Variants in CPED1 observed in about 807,000 individuals in gnomAD.
The protein encoded by CPED1 is cadherin like and PC-esterase domain containing 1.
A neutral mutation model predicts 128.2 loss-of-function variants in CPED1; 114 were observed. The ratio of observed to expected loss-of-function variants is 0.89; its 90% CI spans 0.76 to 1.04. The LOEUF (loss-of-function observed/expected upper bound fraction) is 1.04, where lower values mean the gene tolerates loss of function less well. CPED1 is among the 50% of genes least tolerant of loss of function. The pLI is 0.00. For synonymous variants in CPED1, 462 were observed against 426.7 expected (o/e 1.08, Z -1.02); for missense variants, 1,211 against 1,207.1 (o/e 1.00, Z -0.05).
At chr7:121,085,092 TCTG>T (rs1271004596) in intron 5 of CPED1, among the ~76,000 whole-genome samples, 1 of 152,224 alleles carries the variant, frequency 6.6e-6, no homozygotes, top group Non-Finnish European at 1.5e-5. Context: ...TTACTCCACT[TCTG>T]CTGGAGTCCC....
intron 16 of CPED1, among the ~76,000 whole-genome samples, chr7:121,197,708 T>C (rs544768857): frequency 6.6e-6 from 1 of 152,210 alleles, no homozygotes; most frequent in Admixed American, 6.5e-5. Context: ...AGAAAAATGC[T>C]GAGGGCAGAG....
intron 2 of CPED1, among the ~76,000 whole-genome samples, chr7:120,997,533 C>A (rs951515415): frequency 2.0e-5 from 3 of 152,150 alleles, no homozygotes; most frequent in Non-Finnish European, 4.4e-5. Flanking sequence ...CAGAATGTGA[C>A]CTTACTTGGA....
intron 16 of CPED1, among the ~76,000 whole-genome samples, chr7:121,154,476 C>A (rs1796235062): frequency 1.3e-5 from 2 of 151,840 alleles, no homozygotes; most frequent in African/African-American, 4.8e-5. Context: ...ATTCTATATA[C>A]ATTTTGATAA....
chr7:121,202,955 T>A (rs189742308), intron 16 of CPED1, among the ~76,000 whole-genome samples: 2 of 152,218 alleles, frequency 1.3e-5, no homozygotes, highest in Admixed American at 6.5e-5. Context: ...CGAGTGCCTT[T>A]TTTTCTAGAA....
rs200483154 is a variant in CPED1 at position 121,099,966 on chromosome 7, C to A, written c.790C>A (p.Arg264=). The A allele has an allele frequency of 3.1e-6, 5 of 1,612,690 alleles. No homozygotes were observed. The highest frequency in any genetic ancestry group is 4.2e-6 in the Non-Finnish European group (5 of 1,179,686). Residue 264 remains arginine, a synonymous_variant, in exon 7 of 23, where the codon CGA becomes AGA. Transcript: ENST00000310396. The part of the protein sequence containing the change: ...TVLAPHETIF[R]AEDLSVILKA... Reference sequence around the variant, plus strand: ...CCTTGCTCCACATGAAACAATCTTTCGAGCCGAAGATCTATCTGTGATTCT... The same window carrying A: ...CCTTGCTCCACATGAAACAATCTTTAGAGCCGAAGATCTATCTGTGATTCT...
chr7:121,078,498 G>GAAAAAAAAAAAAAAAAA (rs529856618), intron 5 of CPED1, among the ~76,000 whole-genome samples: 9 of 101,928 alleles, frequency 8.8e-5, no homozygotes, highest in Non-Finnish European at 1.5e-4. Flanking sequence ...AAGAAAGAAA[G>GAAAAAAAAAAAAAAAAA]AAAAAAAAAA....
At chr7:121,281,421 C>T (rs1258796397) in intron 22 of CPED1, among the ~76,000 whole-genome samples, 1 of 152,104 alleles carries the variant, frequency 6.6e-6, no homozygotes, top group Admixed American at 6.5e-5. Context: ...TCTTATAATT[C>T]CCATAGGCCA....
intron 2 of CPED1, among the ~76,000 whole-genome samples, chr7:120,992,069 TA>T (rs1244061057): frequency 6.6e-6 from 1 of 152,122 alleles, no homozygotes; most frequent in Non-Finnish European, 1.5e-5. Flanking sequence ...TACTCCAATT[TA>T]AATTATTAGA....
chr7:121,190,391 C>CA (rs368606501), intron 16 of CPED1, among the ~76,000 whole-genome samples: 5,300 of 97,276 alleles, frequency 0.054, 417 homozygotes, highest in African/African-American at 0.18. Flanking sequence ...GACTCTGTAT[C>CA]AAAAAAAAAA....
chr7:121,214,653 G>T (rs1450360620), intron 16 of CPED1, among the ~76,000 whole-genome samples: 1 of 152,002 alleles, frequency 6.6e-6, no homozygotes, highest in African/African-American at 2.4e-5. Flanking sequence ...ACTACACATA[G>T]AAAGGACTGT....
intron 16 of CPED1, among the ~76,000 whole-genome samples, chr7:121,170,346 G>A (rs923957193): frequency 1.3e-5 from 2 of 152,080 alleles, no homozygotes; most frequent in Admixed American, 6.6e-5. Context: ...TTATGGAGTA[G>A]CTGAATTTTT....
At chr7:121,281,656 TATAAG>T (rs924651594) in intron 22 of CPED1, among the ~76,000 whole-genome samples, 2 of 152,196 alleles carry the variant, frequency 1.3e-5, no homozygotes, top group African/African-American at 4.8e-5. Context: ...TTTAATAGCC[TATAAG>T]ATCTTATACT....
chr7:121,128,380 A>C lies in CPED1; in HGVS notation c.1303-2A>C. ...TTAAGTTCTTTCCCCCTACCAATAC[A>C]GGGTGAAAACTATCAAAAGGAACTA... On this transcript the variant is annotated splice_acceptor_variant, in intron 10 of 22. Transcript: ENST00000310396. LOFTEE classifies it high-confidence loss of function. 1 of 1,522,506 alleles carries C rather than the reference A, an allele frequency of 6.6e-7. No individual in the cohort carries two copies. The highest frequency in any genetic ancestry group is 2.3e-5 in the East Asian group (1 of 44,358). 94.3% of individuals were successfully genotyped at this position (1,522,506 alleles called of 1,614,324 possible).
At chr7:121,188,118 T>C (rs1310066459) in intron 16 of CPED1, among the ~76,000 whole-genome samples, 2 of 152,178 alleles carry the variant, frequency 1.3e-5, no homozygotes. Flanking sequence ...CTTTTAGAAA[T>C]ATATATCGAA....
chr7:121,201,461 G>A (rs1456212825), intron 16 of CPED1, among the ~76,000 whole-genome samples: 3 of 89,142 alleles, frequency 3.4e-5, no homozygotes, highest in Admixed American at 1.4e-4. Flanking sequence ...AGAGAAAGAG[G>A]GAGAGAGAGG....
intron 22 of CPED1, among the ~76,000 whole-genome samples, chr7:121,276,923 T>C (rs1792341582): frequency 6.6e-6 from 1 of 151,898 alleles, no homozygotes; most frequent in Non-Finnish European, 1.5e-5. Flanking sequence ...AGGAGTGAGA[T>C]GGTCATGGTT....
At chr7:121,285,553 T>A (rs1380060959) in intron 22 of CPED1, among the ~76,000 whole-genome samples, 1 of 152,202 alleles carries the variant, frequency 6.6e-6, no homozygotes, top group Non-Finnish European at 1.5e-5. Flanking sequence ...ATACCCTAAA[T>A]CATGTTTCTC....
intron 7 of CPED1, among the ~76,000 whole-genome samples, chr7:121,108,921 G>T (rs1377808015): frequency 6.6e-6 from 1 of 152,004 alleles, no homozygotes; most frequent in African/African-American, 2.4e-5. Flanking sequence ...CAACAAAAAA[G>T]ATTTTGCAAC....
chr7:121,248,019 T>C (rs1798576918), intron 18 of CPED1, among the ~76,000 whole-genome samples: 1 of 152,198 alleles, frequency 6.6e-6, no homozygotes, highest in Admixed American at 6.5e-5. Context: ...CACCTGATTA[T>C]GTTCCTGATG....
Sources: allele counts gnomAD v4.1 joint callset (sites outside exome capture counted in the v4.1 genomes callset), GRCh38; gene constraint gnomAD v4.1.1; transcripts MANE v1.5; gene names NCBI Gene and HGNC (gene_info 2026-07-23, HGNC 2026-07-21).